Variants in MTUS2 observed in about 807,000 individuals in gnomAD.
MTUS2 encodes the protein microtubule-associated tumor suppressor candidate 2.
A neutral mutation model predicts 114.1 loss-of-function variants in MTUS2; 40 were observed. That is an observed-to-expected ratio of 0.35 (90% CI 0.27 to 0.46). The LOEUF (loss-of-function observed/expected upper bound fraction) is 0.46. Among genes scored for constraint, MTUS2 ranks in the 20% least tolerant of loss-of-function variants. The pLI is 1.00. For synonymous variants in MTUS2, 688 were observed against 672.0 expected, an observed-to-expected ratio of 1.02 and a Z score of -0.37; for missense variants, 1,679 against 1,705.4, an observed-to-expected ratio of 0.98 and a Z score of 0.27.
intron 2 of MTUS2, among the ~76,000 whole-genome samples, chr13:28,885,741 T>C (rs1036918070): frequency 1.3e-5 from 2 of 152,238 alleles, no homozygotes; most frequent in Non-Finnish European, 2.9e-5. Context: ...TGATTTGATA[T>C]ATATCCAACA....
chr13:29,364,593 G>C (rs1329186855), intron 8 of MTUS2, among the ~76,000 whole-genome samples: 2 of 152,182 alleles, frequency 1.3e-5, no homozygotes, highest in Non-Finnish European at 2.9e-5. Context: ...GACAGCAGTA[G>C]AACCCCTTTG....
chr13:29,323,310 C>T (rs914548970), intron 6 of MTUS2, among the ~76,000 whole-genome samples: 2 of 151,034 alleles, frequency 1.3e-5, no homozygotes, highest in African/African-American at 2.4e-5. Context: ...AGTGCAGTGG[C>T]GTGATCTCGG....
At chr13:28,919,043 T>C (rs1187607460) in intron 2 of MTUS2, among the ~76,000 whole-genome samples, 4 of 152,128 alleles carry the variant, frequency 2.6e-5, no homozygotes, top group Admixed American at 2.0e-4. Context: ...GTAAAGTTTT[T>C]GTAGTTATTA....
intron 2 of MTUS2, among the ~76,000 whole-genome samples, chr13:28,992,363 C>T (rs193078282): frequency 1.3e-5 from 2 of 152,230 alleles, no homozygotes; most frequent in Admixed American, 1.3e-4. Flanking sequence ...GTTTCAGAGC[C>T]AAAAGACAGC....
chr13:29,092,683 G>A (rs1452704347), intron 4 of MTUS2, among the ~76,000 whole-genome samples: 1 of 152,126 alleles, frequency 6.6e-6, no homozygotes, highest in Non-Finnish European at 1.5e-5. Flanking sequence ...GAGTGGATGG[G>A]GCACCTTCTG....
At chr13:29,088,345 T>A (rs185198196) in intron 4 of MTUS2, among the ~76,000 whole-genome samples, 1 of 152,280 alleles carries the variant, frequency 6.6e-6, no homozygotes, top group African/African-American at 2.4e-5. Flanking sequence ...TGTGGTTGGT[T>A]GGTAGGATTT....
chr13:29,281,872 C>T lies in MTUS2; in HGVS notation c.2806+7C>T, dbSNP rs1408352770. ...TCCACTTCCACACCCGCTGGTAAGA[C>T]TTTGTGCCTTGGAGAGGCTCCATGG... On this transcript the variant is annotated splice_region_variant and intron_variant, in intron 6 of 15. Coordinates refer to ENST00000612955, the MANE Select transcript of MTUS2 (RefSeq NM_001033602.4). 1 of 1,577,130 alleles carries T rather than the reference C, an allele frequency of 6.3e-7. No homozygotes were observed. Among genetic ancestry groups the T allele is most frequent in the African/African-American group, 1.4e-5 (1 of 73,984 alleles).
intron 8 of MTUS2, among the ~76,000 whole-genome samples, chr13:29,363,628 T>G (rs1312777528): frequency 6.6e-6 from 1 of 152,240 alleles, no homozygotes. Context: ...TTATTAACAT[T>G]CTGCCATATT....
At chr13:29,193,316 C>G (rs984288891) in intron 5 of MTUS2, among the ~76,000 whole-genome samples, 1 of 152,038 alleles carries the variant, frequency 6.6e-6, no homozygotes, top group Non-Finnish European at 1.5e-5. Context: ...CAGTGAAGTG[C>G]CTGAGGGCCA....
intron 4 of MTUS2, among the ~76,000 whole-genome samples, chr13:29,080,023 A>G (rs1199506471): frequency 2.0e-5 from 3 of 152,204 alleles, no homozygotes; most frequent in East Asian, 3.9e-4. Flanking sequence ...CTTCCAATCC[A>G]TGAACATGGG....
intron 4 of MTUS2, among the ~76,000 whole-genome samples, chr13:29,062,740 T>G (rs1346381649): frequency 6.6e-6 from 1 of 152,118 alleles, no homozygotes; most frequent in Admixed American, 6.5e-5. Context: ...ACGGTGGTCT[T>G]AAAGCGGCCT....
intron 5 of MTUS2, among the ~76,000 whole-genome samples, chr13:29,281,419 C>CTG (rs10682778): frequency 0.34 from 49,271 of 146,448 alleles, 8,060 homozygotes; most frequent in South Asian, 0.53. Flanking sequence ...GTATGTATGT[C>CTG]TGTGTGTGTG....
intron 10 of MTUS2, among the ~76,000 whole-genome samples, chr13:29,486,983 G>A (rs958992124): frequency 1.1e-4 from 17 of 152,200 alleles, no homozygotes; most frequent in African/African-American, 4.1e-4. Context: ...AACCTGGTAG[G>A]CAGGCAGGTG....
intron 5 of MTUS2, among the ~76,000 whole-genome samples, chr13:29,158,358 C>CCCCCCCTCTT: frequency 6.2e-5 from 2 of 32,048 alleles, no homozygotes; most frequent in African/African-American, 2.1e-4. Flanking sequence ...GTCCACCCCG[C>CCCCCCCTCTT]TTTTTTTTTT....
chr13:28,895,681 C>G (rs1191783905), intron 2 of MTUS2, among the ~76,000 whole-genome samples: 3 of 152,166 alleles, frequency 2.0e-5, no homozygotes, highest in African/African-American at 7.2e-5. Flanking sequence ...CTGAGTTGTT[C>G]ATTGTACACA....
chr13:29,471,212 G>A (rs143686327), intron 9 of MTUS2, among the ~76,000 whole-genome samples: 10 of 151,938 alleles, frequency 6.6e-5, no homozygotes, highest in Admixed American at 1.3e-4. Context: ...GCTTGGTGGC[G>A]CGTGCCTGTA....
chr13:29,426,704 T>G (rs1408093843), intron 8 of MTUS2, among the ~76,000 whole-genome samples: 1 of 152,210 alleles, frequency 6.6e-6, no homozygotes, highest in Non-Finnish European at 1.5e-5. Flanking sequence ...CGAATTTAGA[T>G]GAGTTTGGCT....
intron 2 of MTUS2, among the ~76,000 whole-genome samples, chr13:28,980,932 C>G (rs1476905315): frequency 6.6e-6 from 1 of 152,248 alleles, no homozygotes; most frequent in Non-Finnish European, 1.5e-5. Flanking sequence ...ACTAGGGCAA[C>G]AGGCATAAGC....
At chr13:29,367,044 G>T (rs78322100) in intron 8 of MTUS2, among the ~76,000 whole-genome samples, 2,149 of 152,122 alleles carry the variant, frequency 0.014, 38 homozygotes, top group South Asian at 0.041. Context: ...TCTGTCTATG[G>T]TCCATCCGCT....
Sources: gnomAD v4.1 joint callset for allele counts (sites outside exome capture counted in the v4.1 genomes callset) on GRCh38, gnomAD v4.1.1 for gene constraint, MANE v1.5 for transcripts, NCBI Gene and HGNC (gene_info 2026-07-23, HGNC 2026-07-21) for gene names.